Variants in NRG1 observed in about 807,000 individuals in gnomAD.
NRG1 encodes pro-neuregulin-1, membrane-bound isoform.
A neutral mutation model predicts 63.8 loss-of-function variants in NRG1; 18 were observed. The observed-to-expected ratio is 0.28, with a 90% CI of 0.19 to 0.42. The LOEUF (loss-of-function observed/expected upper bound fraction) is 0.42, where lower values mean the gene tolerates loss of function less well. Among genes scored for constraint, NRG1 ranks in the 10% least tolerant of loss-of-function variants. The pLI, the probability that NRG1 is intolerant of heterozygous loss-of-function variation, is 1.00. For synonymous variants in NRG1, 302 were observed against 301.3 expected, an observed-to-expected ratio of 1.00 and a Z score of -0.02; for missense variants, 762 against 814.7, an observed-to-expected ratio of 0.94 and a Z score of 0.79.
At chr8:32,108,239 C>T (rs552003223) in intron 1 of NRG1, among the ~76,000 whole-genome samples, 1 of 152,196 alleles carries the variant, frequency 6.6e-6, no homozygotes, top group South Asian at 2.1e-4. Flanking sequence ...CTATTTTAGT[C>T]CATTTGTGCT....
chr8:32,771,256 G>A (rs1373429887), downstream of NRG1, among the ~76,000 whole-genome samples: 2 of 145,472 alleles, frequency 1.4e-5, no homozygotes, highest in Non-Finnish European at 3.0e-5. Flanking sequence ...GACTACAGGT[G>A]TGCTCCACCA....
chr8:31,684,711 C>T lies in NRG1; in HGVS notation c.37+45280C>T, dbSNP rs572539503. 3.9e-5 allele frequency among the ~76,000 whole-genome samples: 6 copies of T among 152,082 alleles called. No individual in the cohort carries two copies. In the East Asian group the frequency reaches 1.2e-3, roughly 29 times the overall value. ...AACGTGTGATGTATATATTACTGAT[C>T]ATGTGCAGGACAGTTTTAGGTGGCA... is the stretch of plus-strand genomic sequence containing the variant. On this transcript the variant is annotated intron_variant, in intron 1 of 10. Transcript: ENST00000519301.
chr8:31,697,199 G>A (rs1485698615), intron 1 of NRG1, among the ~76,000 whole-genome samples: 1 of 152,182 alleles, frequency 6.6e-6, no homozygotes, highest in Non-Finnish European at 1.5e-5. Context: ...TACTTAATGT[G>A]TGGGTTGTGT....
chr8:32,357,809 G>A (rs1196183020), intron 1 of NRG1, among the ~76,000 whole-genome samples: 1 of 152,180 alleles, frequency 6.6e-6, no homozygotes, highest in Non-Finnish European at 1.5e-5. Flanking sequence ...CACTGTCTTT[G>A]GAGCTTTCAA....
chr8:32,262,389 A>G (rs1393406148), intron 1 of NRG1, among the ~76,000 whole-genome samples: 3 of 152,128 alleles, frequency 2.0e-5, no homozygotes, highest in Non-Finnish European at 4.4e-5. Context: ...ACCCCCCCAA[A>G]AAATGCTGGA....
intron 1 of NRG1, among the ~76,000 whole-genome samples, chr8:31,919,603 T>C (rs1166517448): frequency 6.6e-6 from 1 of 152,134 alleles, no homozygotes; most frequent in Non-Finnish European, 1.5e-5. Context: ...TAATTAGTAA[T>C]ATCGAAATAT....
intron 1 of NRG1, among the ~76,000 whole-genome samples, chr8:32,214,723 G>A (rs1438850323): frequency 2.0e-5 from 3 of 152,044 alleles, no homozygotes; most frequent in Non-Finnish European, 2.9e-5. Flanking sequence ...GAAAATGAGT[G>A]GTTGATCTTA....
chr8:32,329,917 A>G (rs1265236087), intron 1 of NRG1, among the ~76,000 whole-genome samples: 1 of 151,792 alleles, frequency 6.6e-6, no homozygotes, highest in South Asian at 2.1e-4. Flanking sequence ...TCTGTCATCC[A>G]GGTTGGAATG....
At chr8:31,996,593 G>T (rs566017793) in intron 1 of NRG1, among the ~76,000 whole-genome samples, 62 of 151,938 alleles carry the variant, frequency 4.1e-4, no homozygotes, top group African/African-American at 1.4e-3. Flanking sequence ...AAAAAAATTA[G>T]CCAGGTATGG....
chr8:32,016,129 G>T (rs1815494995), intron 1 of NRG1, among the ~76,000 whole-genome samples: 1 of 152,118 alleles, frequency 6.6e-6, no homozygotes, highest in Non-Finnish European at 1.5e-5. Flanking sequence ...GTCCAGTGAT[G>T]GAGGTCTTGC....
chr8:32,167,334 T>C (rs973006474), intron 1 of NRG1, among the ~76,000 whole-genome samples: 61 of 152,188 alleles, frequency 4.0e-4, no homozygotes, highest in Admixed American at 3.9e-3. Flanking sequence ...TTAGGGATTT[T>C]CATTTGTTTT....
At chr8:31,966,091 T>A (rs1806275052) in intron 1 of NRG1, among the ~76,000 whole-genome samples, 1 of 151,860 alleles carries the variant, frequency 6.6e-6, no homozygotes, top group Non-Finnish European at 1.5e-5. Flanking sequence ...AACATGCACA[T>A]GTACTCCCTG....
rs550493485 is a variant in NRG1 at position 31,691,857 on chromosome 8, C to T, written c.37+52426C>T. ...TTTTTATTTGTTTTTGTTTTTGTTT[C>T]AGAGACAGGGTCTTGCTCTGTTGCC... On this transcript the variant is annotated intron_variant, in intron 1 of 10. Coordinates refer to the NRG1 transcript ENST00000519301. Among the ~76,000 whole-genome samples the T allele has an allele frequency of 3.9e-5, 6 of 151,990 alleles. No homozygotes were observed. In the East Asian group the frequency reaches 1.2e-3, roughly 29 times the overall value.
In NRG1 at chr8:32,226,907, A is replaced by G. The variant is rs561848171; in HGVS notation, c.38-368921A>G. Among the ~76,000 whole-genome samples, 69 of 152,336 alleles carry G rather than the reference A, an allele frequency of 4.5e-4. 1 individual carries two copies. In the South Asian group the frequency reaches 0.013, roughly 29 times the overall value. ...CTCACTGCTGATTTCTATTTGTTCT[A>G]TCCTTACATCACAGTATAGAGATAG... On this transcript the variant is annotated intron_variant, in intron 1 of 10. Coordinates refer to the NRG1 transcript ENST00000519301.
At chr8:32,048,770 T>C (rs893525775) in intron 1 of NRG1, among the ~76,000 whole-genome samples, 4 of 152,014 alleles carry the variant, frequency 2.6e-5, no homozygotes, top group African/African-American at 9.7e-5. Flanking sequence ...ATGTCTTTTT[T>C]TGAGAAGTGT....
chr8:31,699,441 G>A (rs573268595), intron 1 of NRG1, among the ~76,000 whole-genome samples: 1 of 152,184 alleles, frequency 6.6e-6, no homozygotes, highest in South Asian at 2.1e-4. Context: ...AAAACATATT[G>A]TTTAGTTGCC....
chr8:32,665,093 T>C (rs747230556), intron 5 of NRG1, among the ~76,000 whole-genome samples: 2 of 152,210 alleles, frequency 1.3e-5, no homozygotes, highest in African/African-American at 2.4e-5. Context: ...ATTCATTGTT[T>C]GTTGCTGATG....
chr8:32,157,015 T>C (rs930741634), intron 1 of NRG1, among the ~76,000 whole-genome samples: 12 of 151,740 alleles, frequency 7.9e-5, no homozygotes, highest in African/African-American at 2.9e-4. Flanking sequence ...CAAGTCTCAA[T>C]ATGCTCCAAA....
intron 1 of NRG1, among the ~76,000 whole-genome samples, chr8:32,452,424 A>G (rs1821074427): frequency 6.6e-6 from 1 of 152,196 alleles, no homozygotes; most frequent in South Asian, 2.1e-4. Context: ...ACAGTCCAAG[A>G]TGAGAAGACA....
Sources: allele counts gnomAD v4.1 joint callset (sites outside exome capture counted in the v4.1 genomes callset), GRCh38; gene constraint gnomAD v4.1.1; transcripts MANE v1.5; gene names NCBI Gene and HGNC (gene_info 2026-07-23, HGNC 2026-07-21).